The following PDE10A variants were observed in gnomAD, a reference collection of about 807,000 sequenced individuals.
PDE10A encodes phosphodiesterase 10A.
PDE10A carries 39 observed loss-of-function variants against 97.7 expected under a neutral mutation model. That is an observed-to-expected ratio of 0.40 (90% CI 0.31 to 0.52). PDE10A has a LOEUF of 0.52. Among genes scored for constraint, PDE10A ranks in the 20% least tolerant of loss-of-function variants. The pLI is 0.56. For synonymous variants in PDE10A, 371 were observed against 376.8 expected (o/e 0.98, Z 0.18); for missense variants, 731 against 1,047.8 (o/e 0.70, Z 4.17).
At chr6:165,815,830 G>T (rs13194061) in intron 1 of PDE10A, among the ~76,000 whole-genome samples, 10,699 of 152,194 alleles carry the variant, frequency 0.07, 489 homozygotes, top group Non-Finnish European at 0.1. Context: ...CTGTATTTGG[G>T]AGACAGCTGT....
chr6:165,429,526 G>A (rs980959403), intron 9 of PDE10A, among the ~76,000 whole-genome samples: 3 of 152,016 alleles, frequency 2.0e-5, no homozygotes, highest in African/African-American at 4.8e-5. Context: ...AATTACTGAT[G>A]GGTAAACTGT....
chr6:165,668,951 G>C (rs1279588818), intron 1 of PDE10A, among the ~76,000 whole-genome samples: 1 of 152,198 alleles, frequency 6.6e-6, no homozygotes, highest in East Asian at 1.9e-4. Flanking sequence ...AAAGGAGAGA[G>C]AAAGTTTGAT....
At chr6:165,790,701 A>T (rs979789938) in intron 1 of PDE10A, among the ~76,000 whole-genome samples, 11 of 152,014 alleles carry the variant, frequency 7.2e-5, no homozygotes, top group African/African-American at 2.4e-4. Context: ...TCTTGCTCTC[A>T]TTCACTGTGG....
chr6:165,435,655 A>C lies in PDE10A; in HGVS notation c.1195-278T>G, dbSNP rs1443269771. Among the ~76,000 whole-genome samples the C allele has an allele frequency of 2.0e-5, 3 of 152,202 alleles. No individual in the cohort carries two copies. The East Asian group carries it at 5.8e-4, about 29-fold the overall frequency. On this transcript the variant is annotated intron_variant, in intron 5 of 21. Transcript: ENST00000539869. The stretch of plus-strand genomic sequence containing the variant: ...TAGCCTCCTATTTTGATACACAGAA[A>C]ATAATGAAATGAGACAAAATGCATC...
chr6:165,496,991 A>G (rs930223769), intron 2 of PDE10A, among the ~76,000 whole-genome samples: 3 of 152,216 alleles, frequency 2.0e-5, no homozygotes, highest in African/African-American at 4.8e-5. Context: ...TAATAAACCC[A>G]CTACTTTGCA....
chr6:165,751,993 A>G (rs4709978), intron 1 of PDE10A, among the ~76,000 whole-genome samples: 26,207 of 151,524 alleles, frequency 0.17, 2,573 homozygotes, highest in East Asian at 0.36. Context: ...AAGTGAAAAA[A>G]CTAGCCAGGC....
intron 1 of PDE10A, among the ~76,000 whole-genome samples, chr6:165,631,932 G>A (rs1193593989): frequency 2.0e-5 from 3 of 152,158 alleles, no homozygotes; most frequent in Non-Finnish European, 1.5e-5. Flanking sequence ...CAGGCATGGT[G>A]GCTCATGCCT....
rs1043358863 is a variant in PDE10A at position 165,662,781 on chromosome 6, G to A, written c.31C>T (p.Arg11Cys). Residue 11 changes from arginine (R) to cysteine (C), a missense_variant, in exon 1 of 22, where the codon CGC becomes TGC. This residue lies in a region of PDE10A where 181 missense variants were observed against 159.1 expected (regional missense o/e 1.14). Coordinates refer to ENST00000539869, the MANE Select transcript of PDE10A (RefSeq NM_001385079.1). Reference protein sequence around the residue: MASLEEPLAPRPQGPLPAAGD... With the variant: MASLEEPLAPCPQGPLPAAGD... ...GCCGCTGGCAGGGGACCCTGGGGGCGGGGAGCAAGAGGCTCCTCGAGGCTG... is the reference window on the plus strand; with the variant it reads ...GCCGCTGGCAGGGGACCCTGGGGGCAGGGAGCAAGAGGCTCCTCGAGGCTG... 6.7e-5 allele frequency among the ~76,000 whole-genome samples: 10 copies of A among 149,478 alleles called. No homozygotes were observed. Among genetic ancestry groups the A allele is most frequent in the Admixed American group, 6.6e-4 (10 of 15,082 alleles).
chr6:165,838,525 A>G (rs2128472443), intron 1 of PDE10A, among the ~76,000 whole-genome samples: 1 of 152,308 alleles, frequency 6.6e-6, no homozygotes, highest in African/African-American at 2.4e-5. Context: ...CATTTCCATC[A>G]GCTCCAAAAG....
At chr6:165,950,630 G>A (rs1055943049) in intron 1 of PDE10A, among the ~76,000 whole-genome samples, 4 of 152,282 alleles carry the variant, frequency 2.6e-5, no homozygotes, top group East Asian at 1.9e-4. Context: ...AGGTCTGCTC[G>A]GATGCAGAAG....
intron 1 of PDE10A, among the ~76,000 whole-genome samples, chr6:165,617,966 C>T (rs974785385): frequency 6.6e-6 from 1 of 152,118 alleles, no homozygotes; most frequent in African/African-American, 2.4e-5. Context: ...TGGTTCACTC[C>T]TGTAATCCCA....
intron 2 of PDE10A, among the ~76,000 whole-genome samples, chr6:165,491,540 A>C (rs1311948708): frequency 6.6e-6 from 1 of 152,344 alleles, no homozygotes; most frequent in Non-Finnish European, 1.5e-5. Context: ...AATCATAGCA[A>C]GGACTCTCTC....
At chr6:165,928,927 A>T (rs1479602881) in intron 1 of PDE10A, among the ~76,000 whole-genome samples, 1 of 152,178 alleles carries the variant, frequency 6.6e-6, no homozygotes, top group African/African-American at 2.4e-5. Flanking sequence ...TCTTGCTGGG[A>T]TGAGAGACGA....
At chr6:165,498,409 C>G (rs1269894950) in intron 2 of PDE10A, among the ~76,000 whole-genome samples, 1 of 88,334 alleles carries the variant, frequency 1.1e-5, no homozygotes. Context: ...GATGACAGAG[C>G]AAGACCCTGT....
intron 1 of PDE10A, among the ~76,000 whole-genome samples, chr6:165,957,351 C>T (rs1442512422): frequency 2.0e-5 from 3 of 151,990 alleles, no homozygotes; most frequent in Admixed American, 6.6e-5. Flanking sequence ...CTTGGTGGCA[C>T]ATGTCTGTAG....
At chr6:165,943,532 G>A (rs1003563304) in intron 1 of PDE10A, among the ~76,000 whole-genome samples, 2 of 152,106 alleles carry the variant, frequency 1.3e-5, no homozygotes, top group African/African-American at 4.8e-5. Context: ...AACCTGGGAA[G>A]CCACTGGCGT....
chr6:165,338,503 G>A (rs1781779827), intron 20 of PDE10A, among the ~76,000 whole-genome samples: 1 of 152,004 alleles, frequency 6.6e-6, no homozygotes, highest in South Asian at 2.1e-4. Flanking sequence ...ACATTCAAAA[G>A]CAAAATAAAT....
chr6:165,715,113 G>A (rs947377658), intron 1 of PDE10A, among the ~76,000 whole-genome samples: 16 of 152,244 alleles, frequency 1.1e-4, no homozygotes, highest in South Asian at 8.3e-4. Flanking sequence ...CCCGAGGGAC[G>A]CTGCAGTGCA....
Position 165,433,103 on chromosome 6 carries a change from T to G in PDE10A, c.1362A>C (p.Gly454=), listed in dbSNP as rs1218007152. 1.2e-6 allele frequency: 2 copies of G among 1,610,056 alleles called. No homozygotes were observed. Among genetic ancestry groups the G allele is most frequent in the Admixed American group, 1.7e-5 (1 of 59,144 alleles). ...ACTGGATACGAGTCCCTGATTCCAG[T>G]CCAGTACCTCTTGGAAATCGTTCAT... The part of the protein sequence containing the change: ...LGDERFPRGT[G]LESGTRIQSV... The change falls in exon 7 of 22, where the codon GGA becomes GGC. Residue 454 remains glycine (G), a synonymous_variant. Transcript: ENST00000539869.
Sources: allele counts gnomAD v4.1 joint callset (sites outside exome capture counted in the v4.1 genomes callset), GRCh38; gene constraint gnomAD v4.1.1; regional missense constraint gnomAD v4.1.1; transcripts MANE v1.5; gene names NCBI Gene and HGNC (gene_info 2026-07-23, HGNC 2026-07-21).